The following TTC28 variants were observed in gnomAD, a reference collection of about 807,000 sequenced individuals.
TTC28 encodes tetratricopeptide repeat domain 28.
TTC28 carries 61 observed loss-of-function variants against 198.0 expected under a neutral mutation model. The observed-to-expected ratio is 0.31, with a 90% confidence interval of 0.25 to 0.38. The LOEUF is 0.38. Ranked by LOEUF, TTC28 falls within the 10% of genes least tolerant of loss-of-function variation. The probability of loss-of-function intolerance (pLI) is 1.00; values close to 1 mark genes in which losing one functional copy is unlikely to be tolerated. For missense variants in TTC28, 2,678 were observed against 3,164.0 expected (o/e 0.85, Z 3.69); for synonymous variants, 1,171 against 1,297.8 (o/e 0.90, Z 2.10).
At chr22:28,339,078 G>C (rs2045783504) in intron 2 of TTC28, among the ~76,000 whole-genome samples, 1 of 152,166 alleles carries the variant, frequency 6.6e-6, no homozygotes, top group Admixed American at 6.5e-5. Flanking sequence ...CTGTTTGTTA[G>C]TTTTCCTTCT....
intron 6 of TTC28, among the ~76,000 whole-genome samples, chr22:28,134,219 C>G (rs1463803978): frequency 6.6e-6 from 1 of 152,144 alleles, no homozygotes; most frequent in Non-Finnish European, 1.5e-5. Context: ...ACGTCACCAT[C>G]ATCAAAGAGC....
At chr22:28,136,858 T>C (rs1943211113) in intron 6 of TTC28, among the ~76,000 whole-genome samples, 1 of 152,194 alleles carries the variant, frequency 6.6e-6, no homozygotes, top group Non-Finnish European at 1.5e-5. Flanking sequence ...TGGCCTCACA[T>C]TTTATCAGCC....
At chr22:28,246,540 T>C (rs760095644) in intron 5 of TTC28, among the ~76,000 whole-genome samples, 2 of 152,194 alleles carry the variant, frequency 1.3e-5, no homozygotes, top group Non-Finnish European at 2.9e-5. Context: ...ATGCTAGGAA[T>C]AGACCCTAGC....
chr22:28,292,290 C>G (rs1039739808), intron 5 of TTC28, among the ~76,000 whole-genome samples: 4 of 152,146 alleles, frequency 2.6e-5, no homozygotes, highest in African/African-American at 9.7e-5. Context: ...CGGGCTCAAG[C>G]AATCCTCTCA....
chr22:28,190,923 T>A lies in TTC28; in HGVS notation c.934-27324A>T, dbSNP rs971885555. On this transcript the variant is annotated intron_variant, in intron 5 of 22. Coordinates refer to ENST00000397906, the MANE Select transcript of TTC28 (RefSeq NM_001145418.2). Reference sequence around the variant, plus strand: ...CTCTACCCTCTCCATTCTTCTATTCTACTAATATTCCTAAACTATAGCTCT... The same window carrying A: ...CTCTACCCTCTCCATTCTTCTATTCAACTAATATTCCTAAACTATAGCTCT... Among the ~76,000 whole-genome samples the A allele has an allele frequency of 1.4e-4, 21 of 152,284 alleles. No individual in the cohort carries two copies. In the East Asian group the frequency reaches 3.5e-3, roughly 25 times the overall value.
chr22:28,032,209 T>TATATATATAAA (rs1473135551), intron 12 of TTC28, among the ~76,000 whole-genome samples: 1 of 116,672 alleles, frequency 8.6e-6, no homozygotes, highest in Non-Finnish European at 1.8e-5. Flanking sequence ...ATATAAAATA[T>TATATATATAAA]ATATATATAA....
At chr22:28,590,989 A>G (rs1272328432) in intron 2 of TTC28, among the ~76,000 whole-genome samples, 1 of 138,020 alleles carries the variant, frequency 7.2e-6, no homozygotes, top group Non-Finnish European at 1.5e-5. Flanking sequence ...CTGGGCGACA[A>G]GAGAGAAACT....
chr22:28,043,035 G>A (rs1939717080), intron 12 of TTC28, among the ~76,000 whole-genome samples: 4 of 151,964 alleles, frequency 2.6e-5, no homozygotes, highest in Admixed American at 2.6e-4. Flanking sequence ...CACGAGGTCA[G>A]GAGTTCAAGA....
Position 27,983,650 on chromosome 22 carries a change from G to C in TTC28, c.6017C>G (p.Ser2006Cys). 1 of 1,544,346 alleles carries C rather than the reference G, an allele frequency of 6.5e-7. No homozygotes were observed. The highest frequency in any genetic ancestry group is 8.7e-7 in the Non-Finnish European group (1 of 1,143,668). The change falls in exon 23 of 23, where the codon TCC becomes TGC. Residue 2006 changes from serine to cysteine, a missense_variant. By Grantham distance (112) the Ser-to-Cys change is moderately radical (BLOSUM62 -1). Coordinates refer to ENST00000397906, the MANE Select transcript of TTC28 (RefSeq NM_001145418.2). Reference protein sequence around the residue: ...SSIASSMSFVSKPEGGSEGGG... With the variant: ...SSIASSMSFVCKPEGGSEGGG... ...ACCCTCTGATCCACCCTCGGGTTTG[G>C]AGACAAAGCTCATTGAGGAGGCAAT... is the stretch of plus-strand genomic sequence containing the variant.
At chr22:28,537,477 T>A (rs1272052479) in intron 2 of TTC28, among the ~76,000 whole-genome samples, 1 of 151,798 alleles carries the variant, frequency 6.6e-6, no homozygotes, top group Non-Finnish European at 1.5e-5. Flanking sequence ...AAAGTGAAGA[T>A]AGATCCTCTC....
intron 12 of TTC28, among the ~76,000 whole-genome samples, chr22:28,069,782 C>G (rs544737494): frequency 6.6e-6 from 1 of 152,102 alleles, no homozygotes; most frequent in Non-Finnish European, 1.5e-5. Flanking sequence ...TCAAAAACAC[C>G]ACATTCCAAA....
intron 2 of TTC28, among the ~76,000 whole-genome samples, chr22:28,351,299 C>T (rs1309062958): frequency 6.6e-6 from 1 of 152,122 alleles, no homozygotes; most frequent in African/African-American, 2.4e-5. Flanking sequence ...ATTCTCATAA[C>T]AAACAGATCT....
chr22:28,089,459 A>G (rs1215631272), intron 12 of TTC28, among the ~76,000 whole-genome samples: 14 of 151,324 alleles, frequency 9.3e-5, no homozygotes, highest in Admixed American at 9.2e-4. Flanking sequence ...GTGGGAATTG[A>G]ACAATGAGAA....
intron 12 of TTC28, among the ~76,000 whole-genome samples, chr22:28,031,283 T>A (rs184922026): frequency 1.3e-5 from 2 of 152,248 alleles, no homozygotes; most frequent in East Asian, 3.9e-4. Context: ...CAAAGGCACA[T>A]CTCTATGTTG....
chr22:28,195,821 G>T (rs976864892), intron 5 of TTC28, among the ~76,000 whole-genome samples: 4 of 148,232 alleles, frequency 2.7e-5, no homozygotes, highest in Non-Finnish European at 4.5e-5. Flanking sequence ...TCCATGCTCC[G>T]GGATAGGAAG....
chr22:28,538,442 G>A (rs2049340421), intron 2 of TTC28, among the ~76,000 whole-genome samples: 1 of 151,844 alleles, frequency 6.6e-6, no homozygotes, highest in Admixed American at 6.6e-5. Context: ...ATAAGAAACT[G>A]GTAATGCGTG....
rs963013349 is a variant in TTC28, at chr22:28,161,808, G to T, written c.1441+1284C>A. ...ATGGAGGAAGGGAGGAAGGGAGGGA[G>T]GGAAGGAGGGAAGGAGGGAGGGAGG... On this transcript the variant is annotated intron_variant, in intron 6 of 22. Coordinates refer to ENST00000397906, the MANE Select transcript of TTC28 (RefSeq NM_001145418.2). Among the ~76,000 whole-genome samples the T allele has an allele frequency of 4.1e-5, 6 of 147,376 alleles. No homozygotes were observed. In the Admixed American group the frequency reaches 4.1e-4, roughly 10 times the overall value.
At chr22:28,642,342 T>A (rs2051381632) in intron 1 of TTC28, among the ~76,000 whole-genome samples, 1 of 151,430 alleles carries the variant, frequency 6.6e-6, no homozygotes, top group Admixed American at 6.6e-5. Context: ...TTGGCCAGAA[T>A]ACAGTAAGAT....
At chr22:28,579,218 T>C (rs1247462214) in intron 2 of TTC28, among the ~76,000 whole-genome samples, 1 of 150,524 alleles carries the variant, frequency 6.6e-6, no homozygotes, top group Non-Finnish European at 1.5e-5. Flanking sequence ...CATACATACA[T>C]ACACATGTAG....
Sources: gnomAD v4.1 joint callset for allele counts (sites outside exome capture counted in the v4.1 genomes callset) on GRCh38, gnomAD v4.1.1 for gene constraint, MANE v1.5 for transcripts, NCBI Gene and HGNC (gene_info 2026-07-23, HGNC 2026-07-21) for gene names.